Variants in CD5 observed in about 807,000 individuals in gnomAD.
CD5 encodes the protein CD5 molecule, also known as T-cell surface glycoprotein CD5.
A neutral mutation model predicts 60.3 loss-of-function variants in CD5; 36 were observed. The observed-to-expected ratio is 0.60, with a 90% CI of 0.46 to 0.79. The LOEUF (loss-of-function observed/expected upper bound fraction) is 0.79, where lower values mean the gene tolerates loss of function less well. CD5 is among the 30% of genes least tolerant of loss of function. The pLI, the probability that CD5 is intolerant of heterozygous loss-of-function variation, is 0.00. For synonymous variants in CD5, 230 were observed against 257.6 expected, an observed-to-expected ratio of 0.89 and a Z score of 1.03; for missense variants, 540 against 630.6, an observed-to-expected ratio of 0.86 and a Z score of 1.54.
intron 1 of CD5, among the ~76,000 whole-genome samples, chr11:61,105,878 A>G (rs1234826458): frequency 6.6e-6 from 1 of 152,126 alleles, no homozygotes; most frequent in African/African-American, 2.4e-5. Context: ...TAATCCCAGC[A>G]CTTCGGGAGG....
chr11:61,106,176 C>A (rs1340417904), intron 1 of CD5, among the ~76,000 whole-genome samples: 1 of 143,348 alleles, frequency 7.0e-6, no homozygotes, highest in Non-Finnish European at 1.5e-5. Flanking sequence ...TTTTGAAATA[C>A]TGAGTGCAAT....
chr11:61,117,522 T>C (rs986688522), intron 2 of CD5, among the ~76,000 whole-genome samples: 1 of 152,030 alleles, frequency 6.6e-6, no homozygotes, highest in Non-Finnish European at 1.5e-5. Flanking sequence ...GGAATCTTGA[T>C]CTGTTACCCA....
At chr11:61,109,557 T>C (rs948341660) in intron 1 of CD5, among the ~76,000 whole-genome samples, 1 of 151,954 alleles carries the variant, frequency 6.6e-6, no homozygotes, top group African/African-American at 2.4e-5. Flanking sequence ...TTTTAAACAC[T>C]GTGCAGAGCA....
chr11:61,098,053 ATATAGT>A (rs1860606421), upstream of CD5, among the ~76,000 whole-genome samples: 2 of 152,186 alleles, frequency 1.3e-5, no homozygotes, highest in Non-Finnish European at 1.5e-5. Context: ...GTAGTTGAAG[ATATAGT>A]TAGAGATAGG....
intron 1 of CD5, among the ~76,000 whole-genome samples, chr11:61,112,988 G>A (rs1182936172): frequency 3.3e-5 from 5 of 152,328 alleles, no homozygotes; most frequent in South Asian, 2.1e-4. Context: ...TGTCCAGGCT[G>A]GACTCGAACT....
chr11:61,097,287 G>C, the CD5 span, among the ~76,000 whole-genome samples: 1 of 152,100 alleles, frequency 6.6e-6, no homozygotes, highest in African/African-American at 2.4e-5. Flanking sequence ...TGAATTCTTG[G>C]CTCAAAAGAA....
At chr11:61,108,217 G>A (rs1163615658) in intron 1 of CD5, among the ~76,000 whole-genome samples, 9 of 152,200 alleles carry the variant, frequency 5.9e-5, no homozygotes, top group Admixed American at 4.6e-4. Context: ...CTCTGTGACA[G>A]CAGAGACACC....
chr11:61,099,924 TCA>T (rs201142207), upstream of CD5, among the ~76,000 whole-genome samples: 1 of 136,218 alleles, frequency 7.3e-6, no homozygotes, highest in South Asian at 2.3e-4. Flanking sequence ...AACATGGAGA[TCA>T]CACACACATC....
chr11:61,097,417 A>G, the CD5 span, among the ~76,000 whole-genome samples: 1 of 152,254 alleles, frequency 6.6e-6, no homozygotes, highest in African/African-American at 2.4e-5. Flanking sequence ...CAGAAACTGT[A>G]TAATGGTACC....
chr11:61,122,867 C>T (rs753848066), intron 6 of CD5, 40 bp from the exon 7 acceptor site: 1 of 1,577,374 alleles, frequency 6.3e-7, no homozygotes, highest in Non-Finnish European at 8.7e-7. Flanking sequence ...TTTTTCTCCC[C>T]CCAGGACTGG....
intron 6 of CD5, among the ~76,000 whole-genome samples, 164 bp downstream of exon 6, chr11:61,122,068 G>C (rs1459732494): frequency 6.6e-6 from 1 of 152,158 alleles, no homozygotes. Context: ...GGGAGCAAGA[G>C]TACTCAGACA....
At position 61,118,795 on chromosome 11, in the gene CD5, G is replaced by A; in HGVS notation, c.401-120G>A. On this transcript the variant is annotated intron_variant, in intron 3 of 10. Coordinates refer to ENST00000347785, the MANE Select transcript of CD5 (RefSeq NM_014207.4). This position sits in a 1 kb window ranked among gnomAD's most constrained non-coding sequence, Gnocchi z 4.7. ...GGCTTAGAGACAACGTGTGGGTCAA[G>A]TGGACCTGGTGTGCCAAGCGGCACT... 1.4e-6 allele frequency: 1 copy of A among 691,654 alleles called. No homozygotes were observed. Among genetic ancestry groups the A allele is most frequent in the East Asian group, 2.7e-5 (1 of 37,206 alleles). 42.8% of individuals were successfully genotyped at this position (691,654 alleles called of 1,614,324 possible).
chr11:61,106,578 C>T (rs1251411473), intron 1 of CD5, among the ~76,000 whole-genome samples: 2 of 152,132 alleles, frequency 1.3e-5, no homozygotes, highest in South Asian at 2.1e-4. Context: ...ACTCTGTCAC[C>T]ATCAGTTCAG....
chr11:61,121,405 C>G (rs1861056849), intron 5 of CD5, among the ~76,000 whole-genome samples: 1 of 152,220 alleles, frequency 6.6e-6, no homozygotes, highest in African/African-American at 2.4e-5. Context: ...CCAGAGGCAC[C>G]AGAGACAGTG....
At chr11:61,125,311 G>A (rs1861132611) in intron 9 of CD5, among the ~76,000 whole-genome samples, 160 bp downstream of exon 9, 1 of 152,204 alleles carries the variant, frequency 6.6e-6, no homozygotes, top group African/African-American at 2.4e-5. Flanking sequence ...CAGGGGTACG[G>A]AAGGGATATA....
the CD5 span, among the ~76,000 whole-genome samples, chr11:61,093,986 G>A: frequency 9.2e-5 from 14 of 152,100 alleles, no homozygotes; most frequent in African/African-American, 3.1e-4. Context: ...GCTCCCGGCT[G>A]AATAAACCCC....
the CD5 span, among the ~76,000 whole-genome samples, chr11:61,097,058 C>T: frequency 1.3e-5 from 2 of 152,338 alleles, no homozygotes; most frequent in South Asian, 4.1e-4. Context: ...GAGAAGTTTA[C>T]AAACCCTCTC....
chr11:61,104,963 A>G (rs1182367250), intron 1 of CD5, among the ~76,000 whole-genome samples: 1 of 152,222 alleles, frequency 6.6e-6, no homozygotes, highest in African/African-American at 2.4e-5. Context: ...CACAACCTCC[A>G]CCAGCAGAGA....
At chr11:61,101,198 ACAT>A (rs1489895260), upstream of CD5, among the ~76,000 whole-genome samples, 29 of 111,390 alleles carry the variant, frequency 2.6e-4, 5 homozygotes, top group Non-Finnish European at 4.9e-4. Context: ...TCACACACAC[ACAT>A]CAACATGGAG....
Sources: allele counts gnomAD v4.1 joint callset (sites outside exome capture counted in the v4.1 genomes callset), GRCh38; gene constraint gnomAD v4.1.1; non-coding constraint Gnocchi (gnomAD v3.1); transcripts MANE v1.5; gene names NCBI Gene and HGNC (gene_info 2026-07-23, HGNC 2026-07-21).